The following IQSEC1 variants were observed in gnomAD, a reference collection of about 807,000 sequenced individuals.
IQSEC1 encodes the protein IQ motif and Sec7 domain ArfGEF 1.
A neutral mutation model predicts 91.0 loss-of-function variants in IQSEC1; 31 were observed. That is an observed-to-expected ratio of 0.34 (90% CI 0.26 to 0.46). The LOEUF (loss-of-function observed/expected upper bound fraction) is 0.46, where lower values mean the gene tolerates loss of function less well. Among genes scored for constraint, IQSEC1 ranks in the 20% least tolerant of loss-of-function variants. The probability of loss-of-function intolerance (pLI) is 1.00; values close to 1 mark genes in which losing one functional copy is unlikely to be tolerated. For synonymous variants in IQSEC1, 699 were observed against 662.6 expected, an observed-to-expected ratio of 1.05 and a Z score of -0.84; for missense variants, 1,388 against 1,575.6, an observed-to-expected ratio of 0.88 and a Z score of 2.02.
intron 1 of IQSEC1, among the ~76,000 whole-genome samples, chr3:13,220,419 T>C (rs1466384565): frequency 2.0e-5 from 3 of 152,196 alleles, no homozygotes; most frequent in African/African-American, 7.2e-5. Flanking sequence ...TATCTGCCAG[T>C]TGCCCCTCAC....
At chr3:13,236,472 G>A (rs1694930650) in intron 1 of IQSEC1, among the ~76,000 whole-genome samples, 1 of 152,200 alleles carries the variant, frequency 6.6e-6, no homozygotes. Flanking sequence ...GGACACGGTG[G>A]TTCCAGATGG....
chr3:12,934,547 C>T (rs937287139), intron 3 of IQSEC1, among the ~76,000 whole-genome samples: 4 of 151,944 alleles, frequency 2.6e-5, no homozygotes, highest in Admixed American at 1.3e-4. Flanking sequence ...CCTGGCTCCC[C>T]GGATGTGTGT....
intron 1 of IQSEC1, among the ~76,000 whole-genome samples, chr3:13,052,189 C>T (rs1416637822): frequency 6.6e-6 from 1 of 152,234 alleles, no homozygotes; most frequent in Non-Finnish European, 1.5e-5. Context: ...CGGGCACCCT[C>T]TGTAGCCCCC....
chr3:12,915,945 T>C (rs374901601), intron 6 of IQSEC1, among the ~76,000 whole-genome samples: 15 of 152,328 alleles, frequency 9.8e-5, no homozygotes, highest in Admixed American at 6.5e-4. Context: ...CCCGGTCTAG[T>C]AGGCGATGGG....
Position 12,902,689 on chromosome 3 carries a change from A to AC in IQSEC1, c.2805+83_2805+84insG, listed in dbSNP as rs1694489781. On this transcript the variant is annotated intron_variant, in intron 13 of 13. Transcript: ENST00000613206. ...AAAAACCAAAAAAAAAAAAAAAAAA[A>AC]AAAAACCAGGACAACAGATATGAAC... is the stretch of plus-strand genomic sequence containing the variant. The AC allele has an allele frequency of 4.2e-6, 3 of 709,954 alleles. No individual in the cohort carries two copies. The African/African-American group carries it at 5.5e-5, about 13-fold the overall frequency. 44.0% of individuals were successfully genotyped at this position (709,954 alleles called of 1,614,324 possible). A position where few individuals can be genotyped will look rare whatever the true frequency, so the allele number is the denominator to read the frequency against.
In IQSEC1 at chr3:12,940,385, C is replaced by G. The variant is rs552117547; in HGVS notation, c.318+1186G>C. Among the ~76,000 whole-genome samples, 6 of 152,150 alleles carry G rather than the reference C, an allele frequency of 3.9e-5. No homozygotes were observed. The East Asian group carries it at 9.7e-4, about 25-fold the overall frequency. On this transcript the variant is annotated intron_variant, in intron 2 of 13. Coordinates refer to ENST00000613206, the MANE Select transcript of IQSEC1 (RefSeq NM_001134382.3). This position sits in a 1 kb window ranked among gnomAD's most constrained non-coding sequence, Gnocchi z 4.4. The stretch of plus-strand genomic sequence containing the variant: ...AAGGGGAGCAACTTGAATCTATACT[C>G]CCAGCAAACACAAACAAACAAAAAC...
intron 1 of IQSEC1, among the ~76,000 whole-genome samples, chr3:13,071,889 C>T (rs1216670984): frequency 1.3e-5 from 2 of 152,208 alleles, no homozygotes; most frequent in Admixed American, 6.5e-5. Flanking sequence ...ACCGCCATCC[C>T]CCGTGGGTTG....
intron 12 of IQSEC1, among the ~76,000 whole-genome samples, chr3:12,906,096 G>C (rs1298456026): frequency 1.3e-5 from 2 of 152,152 alleles, no homozygotes; most frequent in East Asian, 3.9e-4. Context: ...CACCATCTAC[G>C]GCCACTTCAT....
intron 2 of IQSEC1, among the ~76,000 whole-genome samples, chr3:13,098,831 G>A (rs887387688): frequency 3.5e-4 from 54 of 152,126 alleles, no homozygotes; most frequent in African/African-American, 1.2e-3. Context: ...CTGGGTATAC[G>A]GTTTCTTTCT....
chr3:13,012,309 A>G (rs1702920056), intron 1 of IQSEC1, among the ~76,000 whole-genome samples: 1 of 152,146 alleles, frequency 6.6e-6, no homozygotes, highest in African/African-American at 2.4e-5. Context: ...GCCATTTGCC[A>G]GGCTACCTCC....
At position 13,193,295 on chromosome 3, in the gene IQSEC1, T is replaced by TC. The variant is rs1694067719; in HGVS notation, c.273-29163dup. ...CTTCAGCCCCACTGATGACTGCGCT[T>TC]CTGAGCCATTTCCGGCCTGTGGCAA... On this transcript the variant is annotated intron_variant, in intron 1 of 15. Transcript: ENST00000648114. The surrounding 1 kb of genome is among the most constrained non-coding windows in gnomAD (Gnocchi z 4.2). Among the ~76,000 whole-genome samples the TC allele has an allele frequency of 6.6e-6, 1 of 152,228 alleles. No homozygotes were observed. Among genetic ancestry groups the TC allele is most frequent in the Non-Finnish European group, 1.5e-5 (1 of 68,036 alleles).
At chr3:13,186,395 A>G (rs1693932143) in intron 1 of IQSEC1, among the ~76,000 whole-genome samples, 1 of 152,204 alleles carries the variant, frequency 6.6e-6, no homozygotes, top group Non-Finnish European at 1.5e-5. Context: ...AGAGATGAAA[A>G]GTCTGACAAA....
chr3:13,083,011 C>T (rs1021630886), intron 2 of IQSEC1, among the ~76,000 whole-genome samples: 1 of 152,214 alleles, frequency 6.6e-6, no homozygotes, highest in African/African-American at 2.4e-5. Context: ...AGCTCCCTCA[C>T]AGTCGTCGAC....
chr3:12,913,988 T>A (rs1448632744), intron 8 of IQSEC1, among the ~76,000 whole-genome samples: 1 of 152,132 alleles, frequency 6.6e-6, no homozygotes, highest in Non-Finnish European at 1.5e-5. Flanking sequence ...CTGCTCTAGA[T>A]GAGGAAAAAC....
At chr3:13,058,715 G>A (rs565277694) in intron 1 of IQSEC1, among the ~76,000 whole-genome samples, 7 of 152,268 alleles carry the variant, frequency 4.6e-5, no homozygotes, top group South Asian at 4.1e-4. Context: ...CCCATCCCTC[G>A]CCATGCATGA....
chr3:12,984,278 GAGACCCCATGCCTTTGCTAGC>G (rs1559698399), intron 1 of IQSEC1, among the ~76,000 whole-genome samples: 1 of 152,182 alleles, frequency 6.6e-6, no homozygotes, highest in East Asian at 1.9e-4. Flanking sequence ...AGATAGGGAG[GAGACCCCATGCCTTTGCTAGC>G]GAGCATACTC....
chr3:12,909,546 A>G lies in IQSEC1; in HGVS notation c.2417-112T>C. ...GCTGAGTTGTGCGTGAGCCTGGGAT[A>G]AGTGCCGGGAGTCCAGCCTCCGCAG... is the stretch of plus-strand genomic sequence containing the variant. On this transcript the variant is annotated intron_variant, in intron 10 of 13. Coordinates refer to ENST00000613206, the MANE Select transcript of IQSEC1 (RefSeq NM_001134382.3). This position sits in a 1 kb window ranked among gnomAD's most constrained non-coding sequence, Gnocchi z 4.9. The G allele has an allele frequency of 9.1e-7, 1 of 1,093,838 alleles. No individual in the cohort carries two copies. Among genetic ancestry groups the G allele is most frequent in the African/African-American group, 1.6e-5 (1 of 63,968 alleles). 67.8% of individuals were successfully genotyped at this position (1,093,838 alleles called of 1,614,324 possible).
chr3:13,026,720 C>T (rs943093650), intron 1 of IQSEC1, among the ~76,000 whole-genome samples: 2 of 152,228 alleles, frequency 1.3e-5, no homozygotes, highest in African/African-American at 4.8e-5. Flanking sequence ...GCCTGGACTG[C>T]AGCCATTTCT....
intron 1 of IQSEC1, among the ~76,000 whole-genome samples, chr3:13,180,819 C>T (rs28816092): frequency 0.025 from 3,770 of 150,286 alleles, 177 homozygotes; most frequent in African/African-American, 0.089. Flanking sequence ...AGCGAGACCA[C>T]GAACCCACCA....
Sources: allele counts gnomAD v4.1 joint callset (sites outside exome capture counted in the v4.1 genomes callset), GRCh38; gene constraint gnomAD v4.1.1; non-coding constraint Gnocchi (gnomAD v3.1); transcripts MANE v1.5; gene names NCBI Gene and HGNC (gene_info 2026-07-23, HGNC 2026-07-21).